ZFYVE9: variants seen among roughly 807,000 people sequenced by gnomAD.
ZFYVE9 encodes zinc finger FYVE domain-containing protein 9.
A neutral mutation model predicts 126.7 loss-of-function variants in ZFYVE9; 43 were observed. The observed-to-expected ratio is 0.34, with a 90% confidence interval of 0.27 to 0.44. The LOEUF (loss-of-function observed/expected upper bound fraction) is 0.44, where lower values mean the gene tolerates loss of function less well. Among genes scored for constraint, ZFYVE9 ranks in the 20% least tolerant of loss-of-function variants. ZFYVE9 has a pLI of 1.00. For synonymous variants in ZFYVE9, 521 were observed against 597.4 expected, an observed-to-expected ratio of 0.87 and a Z score of 1.87; for missense variants, 1,476 against 1,697.0, an observed-to-expected ratio of 0.87 and a Z score of 2.29.
chr1:52,183,757 C>T (rs539559841), intron 1 of ZFYVE9, among the ~76,000 whole-genome samples: 7 of 152,182 alleles, frequency 4.6e-5, no homozygotes, highest in Non-Finnish European at 1.0e-4. Context: ...CCACCCGCCT[C>T]GGCCTCCCGA....
chr1:52,316,706 G>C (rs1160984023), intron 13 of ZFYVE9, among the ~76,000 whole-genome samples: 1 of 152,068 alleles, frequency 6.6e-6, no homozygotes, highest in African/African-American at 2.4e-5. Context: ...TGAGAGAACT[G>C]GTAAAACAAA....
intron 12 of ZFYVE9, 90 bp downstream of exon 12, chr1:52,296,067 C>G: frequency 8.7e-7 from 1 of 1,152,272 alleles, no homozygotes. Flanking sequence ...GGTAGCTGTG[C>G]CCAAGCTGCT....
At chr1:52,340,904 CAAAAAAAAAAAAAAA>C (rs10608842) in intron 17 of ZFYVE9, among the ~76,000 whole-genome samples, 19 of 100,698 alleles carry the variant, frequency 1.9e-4, no homozygotes, top group African/African-American at 6.1e-4. Context: ...GACTCCGTCT[CAAAAAAAAAAAAAAA>C]AAAAAAAAAA....
chr1:52,262,715 C>T (rs548227310), intron 4 of ZFYVE9, among the ~76,000 whole-genome samples: 1 of 152,190 alleles, frequency 6.6e-6, no homozygotes, highest in African/African-American at 2.4e-5. Flanking sequence ...AGAATTTATC[C>T]TACTGGGAAC....
chr1:52,282,972 T>G (rs543667886), intron 10 of ZFYVE9, among the ~76,000 whole-genome samples: 1 of 152,222 alleles, frequency 6.6e-6, no homozygotes. Context: ...CTTTATGTCT[T>G]CATTAGTCTC....
At chr1:52,251,057 TTG>T (rs138214708) in intron 4 of ZFYVE9, among the ~76,000 whole-genome samples, 20,666 of 142,402 alleles carry the variant, frequency 0.15, 1,587 homozygotes, top group Non-Finnish European at 0.18. Flanking sequence ...GTTGTTGTTG[TTG>T]TTGTTTGTTT....
chr1:52,303,860 G>C lies in ZFYVE9; in HGVS notation c.3373G>C (p.Gly1125Arg). Residue 1125 changes from glycine (G) to arginine (R), a missense_variant, in exon 13 of 19, where the codon GGT becomes CGT. Gly to Arg is a moderately radical substitution (Grantham distance 125, BLOSUM62 -2). Around this residue, in one of 2 missense-constraint regions of ZFYVE9, gnomAD observed 669 missense variants for 902.4 expected, o/e 0.74. Transcript: ENST00000287727. ...CCAGTATACCTTGCCAGTAGTTCAAGGTTTGGTGGTTGATATGGAAGTTCG... is the reference window on the plus strand; with the variant it reads ...CCAGTATACCTTGCCAGTAGTTCAACGTTTGGTGGTTGATATGGAAGTTCG... ...NYQYTLPVVQ[G>R]LVVDMEVRKT... 6.3e-7 allele frequency: 1 copy of C among 1,598,962 alleles called. No individual in the cohort carries two copies. The highest frequency in any genetic ancestry group is 8.5e-7 in the Non-Finnish European group (1 of 1,172,836).
At position 52,218,552 on chromosome 1, in the gene ZFYVE9, C is replaced by T. The variant is rs962743199; in HGVS notation, c.-37+2078C>T. 2.0e-5 allele frequency among the ~76,000 whole-genome samples: 3 copies of T among 152,190 alleles called. No individual in the cohort carries two copies. The East Asian group carries it at 5.8e-4, about 29-fold the overall frequency. ...GAAGAGAGCTACCATACAGTCTTTG[C>T]CTGATGGATTGGCCCATCCGAGTGG... On this transcript the variant is annotated intron_variant, in intron 2 of 18. Coordinates refer to ENST00000287727, the MANE Select transcript of ZFYVE9 (RefSeq NM_004799.4).
intron 1 of ZFYVE9, chr1:52,162,741 C>T (rs1644474348): frequency 3.3e-6 from 1 of 303,880 alleles, no homozygotes; most frequent in South Asian, 5.5e-5. Flanking sequence ...ACTTCGGCTC[C>T]TTCACTGCCA....
At position 52,270,425 on chromosome 1, in the gene ZFYVE9, A is replaced by G. The variant is rs577295033; in HGVS notation, c.2625+1793A>G. Among the ~76,000 whole-genome samples the G allele has an allele frequency of 3.4e-4, 52 of 152,050 alleles. 1 individual carries two copies. In the South Asian group the frequency reaches 5.6e-3, roughly 16 times the overall value. Reference sequence around the variant, plus strand: ...ACAACAGGCGCCCGCCACCATGCCCAGCTAATTTTTATGTATTTTTAGTAG... The same window carrying G: ...ACAACAGGCGCCCGCCACCATGCCCGGCTAATTTTTATGTATTTTTAGTAG... On this transcript the variant is annotated intron_variant, in intron 7 of 18. Transcript: ENST00000287727.
chr1:52,279,620 T>C (rs1645782430), intron 9 of ZFYVE9, among the ~76,000 whole-genome samples: 1 of 152,096 alleles, frequency 6.6e-6, no homozygotes. Flanking sequence ...CACACCACCA[T>C]ACCTGGCTAA....
rs1034732313 is a variant in ZFYVE9, at chr1:52,237,813, A to G, written c.396A>G (p.Gly132=). ...ATCAATGCAGTGCTGTTGAAGTGGG[A>G]GAGAAGAAATGTGGAAACCTGGCTT... ...WDDQCSAVEV[G]EKKCGNLACL... The change falls in exon 4 of 19, where the codon GGA becomes GGG. Residue 132 remains glycine, a synonymous_variant. Coordinates refer to ENST00000287727, the MANE Select transcript of ZFYVE9 (RefSeq NM_004799.4). 8.1e-6 allele frequency: 13 copies of G among 1,614,090 alleles called. No homozygotes were observed. In the South Asian group the frequency reaches 1.4e-4, roughly 18 times the overall value.
chr1:52,282,778 G>A (rs754295014), intron 10 of ZFYVE9, among the ~76,000 whole-genome samples: 2 of 152,138 alleles, frequency 1.3e-5, no homozygotes, highest in African/African-American at 4.8e-5. Flanking sequence ...TTAGCTATAG[G>A]TGGAAAGTTT....
At chr1:52,292,409 A>T (rs1340038178) in intron 10 of ZFYVE9, among the ~76,000 whole-genome samples, 1 of 150,900 alleles carries the variant, frequency 6.6e-6, no homozygotes, top group Non-Finnish European at 1.5e-5. Context: ...TCATGAGTTG[A>T]CTTTGTTCAC....
chr1:52,242,555 A>T (rs1038965674), intron 4 of ZFYVE9, among the ~76,000 whole-genome samples: 10 of 151,078 alleles, frequency 6.6e-5, no homozygotes, highest in Admixed American at 2.6e-4. Context: ...TTTTTTTTTT[A>T]AATCCAGTGC....
chr1:52,154,235 G>T (rs1415660332), intron 1 of ZFYVE9, among the ~76,000 whole-genome samples: 2 of 152,218 alleles, frequency 1.3e-5, no homozygotes, highest in Admixed American at 6.5e-5. Context: ...ATCCTGTGAA[G>T]ATCAATCACT....
intron 1 of ZFYVE9, among the ~76,000 whole-genome samples, chr1:52,206,466 C>A (rs1644978797): frequency 6.6e-6 from 1 of 152,150 alleles, no homozygotes. Context: ...CATGGATAAA[C>A]AATTTATATA....
intron 12 of ZFYVE9, among the ~76,000 whole-genome samples, chr1:52,301,997 A>T (rs997541120): frequency 6.6e-6 from 1 of 152,166 alleles, no homozygotes; most frequent in African/African-American, 2.4e-5. Flanking sequence ...TTTGATTTTC[A>T]TCTCTTGAAG....
chr1:52,301,318 T>TG (rs1491101558), intron 12 of ZFYVE9, among the ~76,000 whole-genome samples: 2 of 126,458 alleles, frequency 1.6e-5, no homozygotes, highest in Non-Finnish European at 3.1e-5. Context: ...TTTTTTTTTT[T>TG]GGAAATAGGG....
Sources: gnomAD v4.1 joint callset for allele counts (sites outside exome capture counted in the v4.1 genomes callset) on GRCh38, gnomAD v4.1.1 for gene constraint, gnomAD v4.1.1 regional missense constraint, MANE v1.5 for transcripts, NCBI Gene and HGNC (gene_info 2026-07-23, HGNC 2026-07-21) for gene names.